Variants in TMEM233 observed in about 807,000 individuals in gnomAD.
The protein encoded by TMEM233 is dispanin subfamily B member 2.
A neutral mutation model predicts 11.2 loss-of-function variants in TMEM233; 6 were observed. That is an observed-to-expected ratio of 0.54 (90% CI 0.29 to 1.06). The LOEUF is 1.06. TMEM233 is among the 50% of genes least tolerant of loss of function. TMEM233 has a pLI of 0.08. For missense variants in TMEM233, 127 were observed against 144.7 expected (o/e 0.88, Z 0.63); for synonymous variants, 59 against 55.8 (o/e 1.06, Z -0.26).
At chr12:119,615,173 T>TAAAAAAAAAAAAAAAAAAAAAAA (rs60318959) in intron 1 of TMEM233, among the ~76,000 whole-genome samples, 12 of 56,194 alleles carry the variant, frequency 2.1e-4, no homozygotes, top group Middle Eastern at 0.011. Context: ...CGCTTTCTGC[T>TAAAAAAAAAAAAAAAAAAAAAAA]AAAAAAAAAA....
In TMEM233 at chr12:119,594,767, T is replaced by G. The variant is rs1308408609; in HGVS notation, c.186+733T>G. 6.6e-6 allele frequency among the ~76,000 whole-genome samples: 1 copy of G among 152,056 alleles called. No individual in the cohort carries two copies. The highest frequency in any genetic ancestry group is 2.4e-5 in the African/African-American group (1 of 41,410). The stretch of plus-strand genomic sequence containing the variant: ...AGGCTGGCTCACACCCACTACCTCT[T>G]TAGGCCTTTCTTAGGCTCCCCGTGT... On this transcript the variant is annotated intron_variant, in intron 1 of 2. Transcript: ENST00000426426. The surrounding 1 kb of genome is among the most constrained non-coding windows in gnomAD (Gnocchi z 5.6).
intron 1 of TMEM233, among the ~76,000 whole-genome samples, chr12:119,611,055 T>C (rs997960145): frequency 2.0e-5 from 3 of 152,246 alleles, no homozygotes; most frequent in Non-Finnish European, 4.4e-5. Flanking sequence ...ATGGATATTC[T>C]ATATTGTGTT....
chr12:119,622,161 T>C (rs898972676), intron 1 of TMEM233, among the ~76,000 whole-genome samples: 1 of 152,226 alleles, frequency 6.6e-6, no homozygotes, highest in African/African-American at 2.4e-5. Flanking sequence ...CTCCTGACTA[T>C]GATACATGAT....
chr12:119,615,268 CA>C (rs2136718957), intron 1 of TMEM233, among the ~76,000 whole-genome samples: 1 of 148,604 alleles, frequency 6.7e-6, no homozygotes, highest in African/African-American at 2.5e-5. Flanking sequence ...TATTTATTTG[CA>C]TGTTTACTTA....
At chr12:119,628,834 G>T (rs1050186435) in intron 1 of TMEM233, among the ~76,000 whole-genome samples, 7 of 152,100 alleles carry the variant, frequency 4.6e-5, no homozygotes, top group Admixed American at 1.3e-4. Flanking sequence ...CCTGAGAGAG[G>T]TCAAAAAACT....
At chr12:119,617,674 A>G (rs1954563718) in intron 1 of TMEM233, among the ~76,000 whole-genome samples, 1 of 152,102 alleles carries the variant, frequency 6.6e-6, no homozygotes, top group Admixed American at 6.5e-5. Flanking sequence ...TCTCTACTAA[A>G]AATACAAAAT....
At chr12:119,652,017 G>A in the TMEM233 span, among the ~76,000 whole-genome samples, 8 of 152,142 alleles carry the variant, frequency 5.3e-5, no homozygotes, top group Admixed American at 5.2e-4. Context: ...TTATTAATCA[G>A]ACTACCAAAA....
At chr12:119,637,267 CTG>C (rs1438954012) in intron 2 of TMEM233, among the ~76,000 whole-genome samples, 1 of 152,224 alleles carries the variant, frequency 6.6e-6, no homozygotes, top group Non-Finnish European at 1.5e-5. Context: ...AGGTACACAC[CTG>C]TGTGTTAAAA....
chr12:119,594,002 A>G lies in TMEM233; in HGVS notation c.154A>G (p.Ile52Val), dbSNP rs1234171348. The G allele has an allele frequency of 1.3e-6, 2 of 1,551,462 alleles. No homozygotes were observed. Among genetic ancestry groups the G allele is most frequent in the East Asian group, 2.4e-5 (1 of 40,908 alleles). ...IVSCFCPAYP[I>V]NIVALVFSIM... ...CTCGTGTTTTTGCCCTGCGTACCCCATCAACATCGTGGCTTTGGTCTTTTC... is the reference window on the plus strand; with the variant it reads ...CTCGTGTTTTTGCCCTGCGTACCCCGTCAACATCGTGGCTTTGGTCTTTTC... The change falls in exon 1 of 3, where the codon ATC becomes GTC. Residue 52 changes from isoleucine (I) to valine (V), a missense_variant. By Grantham distance (29) the Ile-to-Val change is conservative. Transcript: ENST00000426426. The surrounding 1 kb of genome is among the most constrained non-coding windows in gnomAD (Gnocchi z 5.6).
chr12:119,624,539 T>G (rs1486616992), intron 1 of TMEM233, among the ~76,000 whole-genome samples: 1 of 152,186 alleles, frequency 6.6e-6, no homozygotes, highest in Non-Finnish European at 1.5e-5. Flanking sequence ...ATAACATGGA[T>G]GAACTTTGAA....
intron 1 of TMEM233, among the ~76,000 whole-genome samples, chr12:119,596,782 T>G (rs1954057973): frequency 6.6e-6 from 1 of 152,170 alleles, no homozygotes; most frequent in Admixed American, 6.5e-5. Flanking sequence ...GGTGAGCCAC[T>G]GCGCCCGGCC....
In TMEM233 at chr12:119,640,852, A is replaced by AAAAT; in HGVS notation, c.*147_*148insAAAT. 1 of 575,384 alleles carries AAAAT rather than the reference A, an allele frequency of 1.7e-6. No individual in the cohort carries two copies. The highest frequency in any genetic ancestry group is 2.4e-6 in the Non-Finnish European group (1 of 411,474). The allele number at this position is 575,384 out of a possible 1,614,324, so 35.6% of individuals were successfully genotyped here. On this transcript the variant is annotated 3_prime_UTR_variant, in exon 3 of 3. Coordinates refer to ENST00000426426, the MANE Select transcript of TMEM233 (RefSeq NM_001136534.3). Reference sequence around the variant, plus strand: ...CCAGAGGCAGGTCCCTGGCAAATGAACAAGAAAAAAAAAAAAAAAAAGTCC... The same window carrying AAAAT: ...CCAGAGGCAGGTCCCTGGCAAATGAAAAATCAAGAAAAAAAAAAAAAAAAAGTCC...
the TMEM233 span, among the ~76,000 whole-genome samples, chr12:119,651,781 C>A: frequency 7.8e-6 from 1 of 127,900 alleles, no homozygotes; most frequent in Admixed American, 9.7e-5. Flanking sequence ...GAGCCGAGAT[C>A]ATTCCACTGC....
chr12:119,632,662 C>G (rs1954907960), intron 2 of TMEM233, among the ~76,000 whole-genome samples: 1 of 152,172 alleles, frequency 6.6e-6, no homozygotes, highest in Non-Finnish European at 1.5e-5. Flanking sequence ...GAAGCAGCCA[C>G]CACTCTGCTC....
chr12:119,604,443 T>C (rs1954224998), intron 1 of TMEM233, among the ~76,000 whole-genome samples: 1 of 152,232 alleles, frequency 6.6e-6, no homozygotes, highest in African/African-American at 2.4e-5. Flanking sequence ...GTAAGGCTAA[T>C]ATGCCACAGC....
chr12:119,613,568 C>A (rs1954456290), intron 1 of TMEM233, among the ~76,000 whole-genome samples: 1 of 152,172 alleles, frequency 6.6e-6, no homozygotes. Context: ...AATCCCAGCA[C>A]TTTCGGAGGC....
At chr12:119,639,560 T>C (rs1955039868) in intron 2 of TMEM233, among the ~76,000 whole-genome samples, 1 of 151,634 alleles carries the variant, frequency 6.6e-6, no homozygotes, top group South Asian at 2.1e-4. Context: ...AGGTGGAGGT[T>C]GCAGTGAGCC....
chr12:119,596,740 G>A lies in TMEM233; in HGVS notation c.186+2706G>A, dbSNP rs371039090. ...ACTCCTGACCTCAAGTGATCTGCCC[G>A]CCTCAGCCTCCCAGAGTGCTGGGAT... On this transcript the variant is annotated intron_variant, in intron 1 of 2. Transcript: ENST00000426426. Among the ~76,000 whole-genome samples, 14 of 152,026 alleles carry A rather than the reference G, an allele frequency of 9.2e-5. No individual in the cohort carries two copies. The East Asian group carries it at 9.6e-4, about 10-fold the overall frequency.
At chr12:119,640,565 G>A (rs969793720) in intron 2 of TMEM233, 134 bp from the exon 3 acceptor site, 35 of 929,292 alleles carry the variant, frequency 3.8e-5, no homozygotes, top group South Asian at 7.3e-5. Context: ...AAGTGTGCAC[G>A]CAGGCTGGTA....
Sources: allele counts gnomAD v4.1 joint callset (sites outside exome capture counted in the v4.1 genomes callset), GRCh38; gene constraint gnomAD v4.1.1; non-coding constraint Gnocchi (gnomAD v3.1); transcripts MANE v1.5; gene names NCBI Gene and HGNC (gene_info 2026-07-23, HGNC 2026-07-21).